The following TOR1AIP2 variants were observed in gnomAD, a reference collection of about 807,000 sequenced individuals.
TOR1AIP2 encodes the protein torsin-1A-interacting protein 2.
Under a neutral mutation model 32.6 loss-of-function variants are expected in TOR1AIP2, and 20 were observed. The ratio of observed to expected loss-of-function variants is 0.61; its 90% CI spans 0.43 to 0.89. The LOEUF (loss-of-function observed/expected upper bound fraction) is 0.89. TOR1AIP2 is among the 40% of genes least tolerant of loss of function. TOR1AIP2 has a pLI of 0.00. For synonymous variants in TOR1AIP2, 214 were observed against 210.8 expected, an observed-to-expected ratio of 1.02 and a Z score of -0.13; for missense variants, 456 against 553.8, an observed-to-expected ratio of 0.82 and a Z score of 1.77.
intron 3 of TOR1AIP2, chr1:179,863,851 A>G: frequency 1.0e-6 from 1 of 985,370 alleles, no homozygotes. Context: ...GCTTTTTCTA[A>G]GTGGCTTAAC....
intron 3 of TOR1AIP2, chr1:179,860,386 G>A (rs1696474259): frequency 1.2e-6 from 1 of 855,400 alleles, no homozygotes; most frequent in African/African-American, 1.8e-5. Context: ...GGGGGCTGAA[G>A]TGGGAGGATC....
intron 2 of TOR1AIP2, among the ~76,000 whole-genome samples, chr1:179,872,802 T>C (rs1177966813): frequency 6.6e-6 from 1 of 152,216 alleles, no homozygotes; most frequent in Non-Finnish European, 1.5e-5. Flanking sequence ...TTTCTGACAG[T>C]GGGTGGCACA....
chr1:179,861,579 G>A (rs958069293), intron 3 of TOR1AIP2: 1 of 985,094 alleles, frequency 1.0e-6, no homozygotes, highest in Non-Finnish European at 1.2e-6. Context: ...AACTGTTTGT[G>A]AAGAAGACTG....
chr1:179,857,177 G>C (rs1034763012), intron 3 of TOR1AIP2, among the ~76,000 whole-genome samples: 3 of 152,194 alleles, frequency 2.0e-5, no homozygotes, highest in Non-Finnish European at 4.4e-5. Context: ...TGAATCCCTT[G>C]CAAGTTCAAT....
chr1:179,859,926 A>G (rs1363141630), intron 3 of TOR1AIP2: 2 of 789,326 alleles, frequency 2.5e-6, no homozygotes, highest in African/African-American at 1.9e-5. Flanking sequence ...CTCATAGCTC[A>G]CTGAGGCTCA....
At chr1:179,870,031 T>C in intron 2 of TOR1AIP2, among the ~76,000 whole-genome samples, 1 of 152,180 alleles carries the variant, frequency 6.6e-6, no homozygotes, top group Non-Finnish European at 1.5e-5. Flanking sequence ...TCACCCCTCA[T>C]AATTTTTCAC....
chr1:179,863,656 C>CT (rs1696644620), intron 3 of TOR1AIP2: 10 of 953,918 alleles, frequency 1.0e-5, no homozygotes, highest in Non-Finnish European at 1.2e-5. Flanking sequence ...CAGCAAGACT[C>CT]TGTCACTATT....
At chr1:179,871,213 G>A (rs1696999347) in intron 2 of TOR1AIP2, among the ~76,000 whole-genome samples, 1 of 152,164 alleles carries the variant, frequency 6.6e-6, no homozygotes, top group South Asian at 2.1e-4. Flanking sequence ...AAAACAGTGA[G>A]CAAAAAAACA....
At chr1:179,871,115 T>TA (rs1443484610) in intron 2 of TOR1AIP2, among the ~76,000 whole-genome samples, 2 of 152,250 alleles carry the variant, frequency 1.3e-5, no homozygotes, top group South Asian at 4.1e-4. Flanking sequence ...TAGAGGGATA[T>TA]AAAAAGATCC....
At chr1:179,854,597 CG>C (rs1372362629) in intron 3 of TOR1AIP2, among the ~76,000 whole-genome samples, 2 of 152,138 alleles carry the variant, frequency 1.3e-5, no homozygotes, top group African/African-American at 2.4e-5. Context: ...AGGGTGGGCA[CG>C]GTGGCTCATG....
At chr1:179,865,242 G>A (rs1275187763) in intron 3 of TOR1AIP2, 194 bp downstream of exon 3, 28 of 1,514,014 alleles carry the variant, frequency 1.8e-5, no homozygotes, top group Non-Finnish European at 2.4e-5. Context: ...AGAGAGAGAC[G>A]CCCAAACACC....
At position 179,875,806 on chromosome 1, in the gene TOR1AIP2, T is replaced by C. The variant is rs376387529; in HGVS notation, c.-566+1433A>G. On this transcript the variant is annotated intron_variant, in intron 2 of 6. Transcript: ENST00000609928. ...CAAAATAGGAATTCAAACCCAGCTA[T>C]GACTCCAGTCTATGCTCATTACCAA... 6 of 152,316 alleles carry C rather than the reference T, an allele frequency of 3.9e-5. No homozygotes were observed. The East Asian group carries it at 1.2e-3, about 29-fold the overall frequency. 9.4% of individuals were successfully genotyped at this position (152,316 alleles called of 1,614,324 possible).
In TOR1AIP2 at chr1:179,877,800, G is replaced by T. The variant is rs1477837122; in HGVS notation, c.-808C>A. 1 of 152,214 alleles carries T rather than the reference G, an allele frequency of 6.6e-6. No homozygotes were observed. The highest frequency in any genetic ancestry group is 2.4e-5 in the African/African-American group (1 of 41,430). The allele number at this position is 152,214 out of a possible 1,614,324, so 9.4% of individuals were successfully genotyped here. ...CTGCACCCAGCGGCCGCCGCGGCCC[G>T]AATGTCGTCCAGGGTCCCCGCCCAT... is the stretch of plus-strand genomic sequence containing the variant. On this transcript the variant is annotated 5_prime_UTR_variant, in exon 1 of 7. Transcript: ENST00000609928.
intron 3 of TOR1AIP2, chr1:179,862,191 A>C: frequency 1.0e-6 from 1 of 983,788 alleles, no homozygotes; most frequent in Non-Finnish European, 1.2e-6. Context: ...TATTGACTAA[A>C]ACAAAAACAA....
chr1:179,865,237 G>C (rs1248483738), intron 3 of TOR1AIP2, 199 bp downstream of exon 3: 2 of 1,525,084 alleles, frequency 1.3e-6, no homozygotes, highest in Non-Finnish European at 1.8e-6. Flanking sequence ...GTGACAGAGA[G>C]AGACGCCCAA....
At position 179,842,938 on chromosome 1, in the gene TOR1AIP2, A is replaced by C. The variant is rs1263851829; in HGVS notation, c.*3133T>G. The C allele has an allele frequency of 6.6e-6, 1 of 151,778 alleles. No individual in the cohort carries two copies. The highest frequency in any genetic ancestry group is 1.5e-5 in the Non-Finnish European group (1 of 67,986). The allele number at this position is 151,778 out of a possible 1,614,324, so 9.4% of individuals were successfully genotyped here. ...GGGGCGGGCACCTGTAGTCCCAGCT[A>C]CTTGGAAGGCCGAGGCAGGAGAATG... On this transcript the variant is annotated 3_prime_UTR_variant, in exon 7 of 7. Coordinates refer to ENST00000609928, the MANE Select transcript of TOR1AIP2 (RefSeq NM_001199260.2).
chr1:179,871,017 A>G (rs1003973347), intron 2 of TOR1AIP2, among the ~76,000 whole-genome samples: 2 of 152,248 alleles, frequency 1.3e-5, no homozygotes, highest in Non-Finnish European at 2.9e-5. Context: ...CTAGATGTCT[A>G]GGGAATCCAG....
In TOR1AIP2 at chr1:179,840,148, A is replaced by AC. The variant is rs1695675840; in HGVS notation, c.*5922_*5923insG. 6.6e-6 allele frequency: 1 copy of AC among 152,270 alleles called. No individual in the cohort carries two copies. The highest frequency in any genetic ancestry group is 2.4e-5 in the African/African-American group (1 of 41,458). The allele number at this position is 152,270 out of a possible 1,614,324, so 9.4% of individuals were successfully genotyped here. On this transcript the variant is annotated 3_prime_UTR_variant, in exon 7 of 7. Transcript: ENST00000609928. ...TATTTTTTGTTAAGCACAAATAAGC[A>AC]AAATGCAATTGAGTTTGAAAGTCAG... is the stretch of plus-strand genomic sequence containing the variant.
intron 5 of TOR1AIP2, among the ~76,000 whole-genome samples, chr1:179,848,490 G>T (rs1696001821): frequency 6.6e-6 from 1 of 152,164 alleles, no homozygotes; most frequent in African/African-American, 2.4e-5. Context: ...ATAAGGTGAA[G>T]AAAATTCACG....
Sources: allele counts gnomAD v4.1 joint callset (sites outside exome capture counted in the v4.1 genomes callset), GRCh38; gene constraint gnomAD v4.1.1; transcripts MANE v1.5; gene names NCBI Gene and HGNC (gene_info 2026-07-23, HGNC 2026-07-21).